SHROOM2: variants seen among roughly 807,000 people sequenced by gnomAD.
The protein encoded by SHROOM2 is protein Shroom2.
In SHROOM2, 33 loss-of-function variants were observed where a neutral mutation model predicts 75.9. That is an observed-to-expected ratio of 0.43 (90% CI 0.33 to 0.58). The LOEUF is 0.58. Among genes scored for constraint, SHROOM2 ranks in the 20% least tolerant of loss-of-function variants. The pLI is 0.04. For missense variants in SHROOM2, 1,434 were observed against 1,461.2 expected (o/e 0.98, Z 0.30); for synonymous variants, 655 against 663.6 (o/e 0.99, Z 0.20).
intron 1 of SHROOM2, among the ~76,000 whole-genome samples, chrX:9,829,377 A>G (rs918402263): frequency 8.9e-6 from 1 of 112,282 alleles, no homozygotes; most frequent in Non-Finnish European, 1.9e-5. Flanking sequence ...TACCAGCAGC[A>G]CTAGTCAGAG....
chrX:9,807,223 C>T lies in SHROOM2; in HGVS notation c.165+20513C>T, dbSNP rs982461943. Reference sequence around the variant, plus strand: ...GCCAGCCCCGTCGCCATGCCTAGCGCATAACAGATGCTCAGTAGATGTTTG... The same window carrying T: ...GCCAGCCCCGTCGCCATGCCTAGCGTATAACAGATGCTCAGTAGATGTTTG... On this transcript the variant is annotated intron_variant, in intron 1 of 9. Coordinates refer to ENST00000380913, the MANE Select transcript of SHROOM2 (RefSeq NM_001649.4). 5.4e-5 allele frequency among the ~76,000 whole-genome samples: 6 copies of T among 112,103 alleles called. No homozygotes were observed. In the Admixed American group the frequency reaches 5.7e-4, roughly 11 times the overall value.
chrX:9,807,801 C>G (rs1398063660), intron 1 of SHROOM2, among the ~76,000 whole-genome samples: 1 of 112,352 alleles, frequency 8.9e-6, no homozygotes, highest in Non-Finnish European at 1.9e-5. Flanking sequence ...CTGAGAGCAG[C>G]CCTTCTGAGT....
At position 9,896,286 on chromosome X, in the gene SHROOM2, C is replaced by T. The variant is rs764408294; in HGVS notation, c.2378C>T (p.Thr793Met). The T allele has an allele frequency of 2.5e-6, 3 of 1,211,194 alleles. No homozygotes were observed. Among genetic ancestry groups the T allele is most frequent in the Admixed American group, 2.2e-5 (1 of 46,012 alleles). ...HPRTSEDTVG[T>M]FADRWKFFEE... is the part of the protein sequence containing the mutation. ...AGGACATCTGAGGATACTGTGGGCA[C>T]GTTTGCTGACAGGTGGAAGTTTTTT... Residue 793 changes from threonine to methionine, a missense_variant, in exon 4 of 10, where the codon ACG becomes ATG. Around this residue, in one of 3 missense-constraint regions of SHROOM2, gnomAD observed 1,340 missense variants for 1,338.3 expected, o/e 1.00. Transcript: ENST00000380913.
At chrX:9,820,860 C>T (rs1327215313) in intron 1 of SHROOM2, among the ~76,000 whole-genome samples, 1 of 112,361 alleles carries the variant, frequency 8.9e-6, no homozygotes, top group Admixed American at 9.4e-5. Flanking sequence ...ATTTTTGGCT[C>T]TGTGGGCCAA....
intron 5 of SHROOM2, among the ~76,000 whole-genome samples, chrX:9,930,642 T>C (rs1026895751): frequency 1.8e-5 from 2 of 112,333 alleles, no homozygotes; most frequent in African/African-American, 6.5e-5. Flanking sequence ...CTTCTCAGAA[T>C]GCAAATCAGT....
At chrX:9,852,371 T>C (rs1477137451) in intron 1 of SHROOM2, among the ~76,000 whole-genome samples, 1 of 112,932 alleles carries the variant, frequency 8.9e-6, no homozygotes, top group African/African-American at 3.2e-5. Flanking sequence ...CCAGACCACC[T>C]GCAGGCGTTT....
intron 9 of SHROOM2, among the ~76,000 whole-genome samples, chrX:9,946,187 G>T (rs1446036134): frequency 8.9e-6 from 1 of 112,981 alleles, no homozygotes; most frequent in African/African-American, 3.2e-5. Context: ...CTGCAGGCTC[G>T]GGGGCTTCTC....
intron 2 of SHROOM2, among the ~76,000 whole-genome samples, chrX:9,875,912 TAGAC>T (rs1329223607): frequency 8.9e-6 from 1 of 112,744 alleles, no homozygotes; most frequent in African/African-American, 3.2e-5. Context: ...GTGATAAAGA[TAGAC>T]AGTCTAAAAT....
At chrX:9,821,793 G>T (rs754592116) in intron 1 of SHROOM2, among the ~76,000 whole-genome samples, 2 of 111,651 alleles carry the variant, frequency 1.8e-5, no homozygotes, top group African/African-American at 6.5e-5. Flanking sequence ...CAGAGGGGAG[G>T]GTCTGCCAGC....
At chrX:9,842,319 G>A (rs1241917730) in intron 1 of SHROOM2, among the ~76,000 whole-genome samples, 3 of 112,490 alleles carry the variant, frequency 2.7e-5, no homozygotes, top group Non-Finnish European at 5.6e-5. Context: ...ATAATCCCAA[G>A]GTGTTGATAT....
intron 8 of SHROOM2, among the ~76,000 whole-genome samples, chrX:9,943,227 A>AAAAATAAAAT (rs1199115610): frequency 1.8e-5 from 2 of 109,856 alleles, no homozygotes; most frequent in Non-Finnish European, 3.8e-5. Flanking sequence ...CCCTGTCTCA[A>AAAAATAAAAT]AAAATAAAAT....
intron 5 of SHROOM2, among the ~76,000 whole-genome samples, chrX:9,916,401 G>A (rs935903107): frequency 4.4e-5 from 5 of 112,371 alleles, no homozygotes; most frequent in South Asian, 3.7e-4. Context: ...GGTGTTTGAC[G>A]TTGTAAATAA....
intron 2 of SHROOM2, among the ~76,000 whole-genome samples, chrX:9,879,597 A>C (rs2084220374): frequency 8.9e-6 from 1 of 112,875 alleles, no homozygotes; most frequent in African/African-American, 3.2e-5. Context: ...CAGGAGAAAA[A>C]AGAAAACCAC....
At chrX:9,942,250 C>T (rs1602029715) in intron 8 of SHROOM2, among the ~76,000 whole-genome samples, 2 of 112,108 alleles carry the variant, frequency 1.8e-5, no homozygotes, top group Admixed American at 9.5e-5. Context: ...TCTGCTCTCA[C>T]GCCACAGCAA....
intron 1 of SHROOM2, among the ~76,000 whole-genome samples, chrX:9,851,952 G>C (rs899867881): frequency 3.6e-5 from 4 of 112,409 alleles, no homozygotes; most frequent in African/African-American, 1.3e-4. Context: ...ACTGAAGTCT[G>C]ATGTATCCCT....
chrX:9,826,169 G>A (rs1352016265), intron 1 of SHROOM2, among the ~76,000 whole-genome samples: 5 of 112,295 alleles, frequency 4.5e-5, no homozygotes, highest in African/African-American at 1.3e-4. Context: ...CTGGTTCTCA[G>A]TGAATGTGTT....
intron 6 of SHROOM2, among the ~76,000 whole-genome samples, chrX:9,934,057 C>T (rs2084676061): frequency 9.0e-6 from 1 of 111,399 alleles, no homozygotes; most frequent in Non-Finnish European, 1.9e-5. Flanking sequence ...GTGGGCGGCC[C>T]CCACAGAGCA....
chrX:9,946,976 G>T lies in SHROOM2; in HGVS notation c.*39G>T, dbSNP rs139494419. 1 of 1,146,373 alleles carries T rather than the reference G, an allele frequency of 8.7e-7. No individual in the cohort carries two copies. The highest frequency in any genetic ancestry group is 1.2e-6 in the Non-Finnish European group (1 of 857,867). The allele number at this position is 1,146,373 out of a possible 1,213,427, so 94.5% of individuals were successfully genotyped here. A position where few individuals can be genotyped will look rare whatever the true frequency, so the allele number is the denominator to read the frequency against. ...GGTGGAGGAGGGGCACGGGGCCTCC[G>T]AGCTCCAGCTCCGTTCCCAAGGATA... On this transcript the variant is annotated 3_prime_UTR_variant, in exon 10 of 10. Transcript: ENST00000380913.
Position 9,886,833 on chromosome X carries a change from C to T in SHROOM2, c.318-4144C>T, listed in dbSNP as rs747092333. Reference sequence around the variant, plus strand: ...TGGAATAGACCACATTTTGTTTGTCCATTCTTCCACCCATGGAACAGTATA... The same window carrying T: ...TGGAATAGACCACATTTTGTTTGTCTATTCTTCCACCCATGGAACAGTATA... On this transcript the variant is annotated intron_variant, in intron 2 of 9. Transcript: ENST00000380913. Among the ~76,000 whole-genome samples the T allele has an allele frequency of 6.2e-5, 7 of 112,292 alleles. No homozygotes were observed. The South Asian group carries it at 2.6e-3, about 41-fold the overall frequency.
Sources: allele counts gnomAD v4.1 joint callset (sites outside exome capture counted in the v4.1 genomes callset), GRCh38; gene constraint gnomAD v4.1.1; regional missense constraint gnomAD v4.1.1; transcripts MANE v1.5; gene names NCBI Gene and HGNC (gene_info 2026-07-23, HGNC 2026-07-21).